Variants in ANKRD42 observed in about 807,000 individuals in gnomAD.
ANKRD42 encodes the protein ankyrin repeat domain-containing protein 42.
ANKRD42 carries 43 observed loss-of-function variants against 51.5 expected under a neutral mutation model. The ratio of observed to expected loss-of-function variants is 0.83; its 90% CI spans 0.65 to 1.08. The LOEUF (loss-of-function observed/expected upper bound fraction) is 1.08. ANKRD42 is among the 50% of genes least tolerant of loss of function. The probability of loss-of-function intolerance (pLI) is 0.00; values close to 1 mark genes in which losing one functional copy is unlikely to be tolerated. For synonymous variants in ANKRD42, 203 were observed against 213.0 expected (o/e 0.95, Z 0.41); for missense variants, 608 against 629.3 (o/e 0.97, Z 0.36).
At chr11:83,228,805 C>T (rs1862976955) in intron 7 of ANKRD42, among the ~76,000 whole-genome samples, 1 of 152,070 alleles carries the variant, frequency 6.6e-6, no homozygotes, top group Non-Finnish European at 1.5e-5. Context: ...AGAGAGAGGT[C>T]CACAGATTGG....
intron 10 of ANKRD42, among the ~76,000 whole-genome samples, 178 bp from the exon 11 acceptor site, chr11:83,247,765 T>C (rs1863585795): frequency 1.3e-5 from 2 of 151,766 alleles, no homozygotes; most frequent in African/African-American, 2.4e-5. Flanking sequence ...TGTTCACCAC[T>C]GTATCCCCAA....
At chr11:83,212,185 C>T (rs889507147) in intron 5 of ANKRD42, among the ~76,000 whole-genome samples, 1 of 151,962 alleles carries the variant, frequency 6.6e-6, no homozygotes, top group Admixed American at 6.6e-5. Flanking sequence ...CCAGTTCAAG[C>T]GATTCTTATG....
chr11:83,212,623 C>A (rs1467155672), intron 5 of ANKRD42: 3 of 1,488,810 alleles, frequency 2.0e-6, no homozygotes, highest in Admixed American at 3.9e-5. Flanking sequence ...ATAATATGAA[C>A]AGGCCTGATC....
chr11:83,230,188 A>G (rs529917853), intron 7 of ANKRD42, among the ~76,000 whole-genome samples: 98 of 152,206 alleles, frequency 6.4e-4, no homozygotes, highest in Non-Finnish European at 1.2e-3. Flanking sequence ...AGTAGCTGGG[A>G]CTACAGGCAC....
In ANKRD42 at chr11:83,236,565, CT is replaced by C; in HGVS notation, c.1019+62del. 6 of 1,346,372 alleles carry C rather than the reference CT, an allele frequency of 4.5e-6. No homozygotes were observed. The Admixed American group carries it at 7.8e-5, about 18-fold the overall frequency. 83.4% of individuals were successfully genotyped at this position (1,346,372 alleles called of 1,614,324 possible). On this transcript the variant is annotated intron_variant, in intron 8 of 10. Coordinates refer to ENST00000533342, the MANE Select transcript of ANKRD42 (RefSeq NM_001300975.2). ...TTTTCTCTTTAAAGTTTTGCGTATACTTTTTTGGACTCAAAAATCTCTGAAG... is the reference window on the plus strand; with the variant it reads ...TTTTCTCTTTAAAGTTTTGCGTATACTTTTTGGACTCAAAAATCTCTGAAG...
chr11:83,249,460 C>T (rs2135562117), downstream of ANKRD42, among the ~76,000 whole-genome samples: 1 of 152,264 alleles, frequency 6.6e-6, no homozygotes, highest in South Asian at 2.1e-4. Flanking sequence ...CTTCAGCTGC[C>T]TAGGTGGGAC....
chr11:83,210,528 G>A, intron 4 of ANKRD42, 109 bp downstream of exon 4: 9 of 1,296,312 alleles, frequency 6.9e-6, no homozygotes, highest in Admixed American at 2.4e-5. Flanking sequence ...TATGACTTTG[G>A]GAAACTAATT....
At chr11:83,226,843 A>T (rs1193032690) in intron 6 of ANKRD42, among the ~76,000 whole-genome samples, 1 of 152,184 alleles carries the variant, frequency 6.6e-6, no homozygotes, top group Non-Finnish European at 1.5e-5. Flanking sequence ...AACTATTTAC[A>T]TAGCATTTCT....
At chr11:83,239,417 T>A (rs916431714) in intron 8 of ANKRD42, among the ~76,000 whole-genome samples, 2 of 152,214 alleles carry the variant, frequency 1.3e-5, no homozygotes, top group Non-Finnish European at 2.9e-5. Flanking sequence ...AATTTCTTAC[T>A]AATTTATCCT....
chr11:83,236,735 G>A (rs1863235657), intron 8 of ANKRD42, among the ~76,000 whole-genome samples: 1 of 152,172 alleles, frequency 6.6e-6, no homozygotes, highest in Non-Finnish European at 1.5e-5. Context: ...TTCCTCATGG[G>A]AGGGGTCTTT....
chr11:83,261,532 ATATG>A (rs1565204645), downstream of ANKRD42: 1 of 157,938 alleles, frequency 6.3e-6, no homozygotes, highest in Non-Finnish European at 1.4e-5. Flanking sequence ...TCAGTAATAA[ATATG>A]TAGGCTAGGG....
intron 7 of ANKRD42, among the ~76,000 whole-genome samples, chr11:83,232,258 C>G (rs528822893): frequency 1.3e-5 from 2 of 151,886 alleles, no homozygotes; most frequent in South Asian, 4.2e-4. Flanking sequence ...TTTTGATGTC[C>G]TCTTCAGTTT....
intron 9 of ANKRD42, 35 bp downstream of exon 9, chr11:83,240,969 C>T (rs767920906): frequency 6.4e-7 from 1 of 1,568,632 alleles, no homozygotes; most frequent in Admixed American, 2.0e-5. Context: ...TTTATCCTTT[C>T]AGAAATACCA....
At chr11:83,219,262 G>A (rs1202430323) in intron 5 of ANKRD42, among the ~76,000 whole-genome samples, 1 of 152,198 alleles carries the variant, frequency 6.6e-6, no homozygotes, top group Non-Finnish European at 1.5e-5. Flanking sequence ...GGATGGAAAC[G>A]TCCCTTGCCC....
At chr11:83,211,019 C>A (rs1184709421) in intron 4 of ANKRD42, among the ~76,000 whole-genome samples, 1 of 152,112 alleles carries the variant, frequency 6.6e-6, no homozygotes, top group African/African-American at 2.4e-5. Context: ...CTATCCCTTT[C>A]ATTTTATTGG....
chr11:83,231,012 A>G (rs950143614), intron 7 of ANKRD42, among the ~76,000 whole-genome samples: 3 of 152,346 alleles, frequency 2.0e-5, no homozygotes, highest in Admixed American at 1.3e-4. Flanking sequence ...CAATGCTGCA[A>G]CAAACATAGG....
At chr11:83,215,731 C>T (rs1862506595) in intron 5 of ANKRD42, among the ~76,000 whole-genome samples, 2 of 152,030 alleles carry the variant, frequency 1.3e-5, no homozygotes, top group Admixed American at 6.6e-5. Flanking sequence ...AGCAAAATGC[C>T]CTACATGTTA....
intron 8 of ANKRD42, among the ~76,000 whole-genome samples, chr11:83,238,644 A>G (rs1863292984): frequency 6.6e-6 from 1 of 152,170 alleles, no homozygotes; most frequent in South Asian, 2.1e-4. Context: ...CAGGCTGACC[A>G]ACATGGAGAA....
intron 5 of ANKRD42, among the ~76,000 whole-genome samples, chr11:83,217,815 A>G (rs1862588979): frequency 6.6e-6 from 1 of 152,234 alleles, no homozygotes; most frequent in Non-Finnish European, 1.5e-5. Context: ...AACAAGCCCT[A>G]CTAGGCAATT....
Sources: allele counts gnomAD v4.1 joint callset (sites outside exome capture counted in the v4.1 genomes callset), GRCh38; gene constraint gnomAD v4.1.1; transcripts MANE v1.5; gene names NCBI Gene and HGNC (gene_info 2026-07-23, HGNC 2026-07-21).